The following CEP85L variants were observed in gnomAD, a reference collection of about 807,000 sequenced individuals.
The protein encoded by CEP85L is centrosomal protein of 85 kDa-like.
In CEP85L, 60 loss-of-function variants were observed where a neutral mutation model predicts 100.3. The ratio of observed to expected loss-of-function variants is 0.60; its 90% CI spans 0.49 to 0.74. CEP85L has a LOEUF of 0.74. Ranked by LOEUF, CEP85L falls within the 30% of genes least tolerant of loss-of-function variation. The probability of loss-of-function intolerance (pLI) is 0.00; values close to 1 mark genes in which losing one functional copy is unlikely to be tolerated. For synonymous variants in CEP85L, 319 were observed against 322.7 expected, an observed-to-expected ratio of 0.99 and a Z score of 0.12; for missense variants, 973 against 936.2, an observed-to-expected ratio of 1.04 and a Z score of -0.51.
intron 4 of CEP85L, among the ~76,000 whole-genome samples, chr6:118,519,583 GC>G (rs1287041175): frequency 0.036 from 1,307 of 36,674 alleles, 350 homozygotes; most frequent in Non-Finnish European, 0.066. Flanking sequence ...TGTGTGTGTG[GC>G]GGGGGGGGGG....
In CEP85L at chr6:118,558,514, G is replaced by A. The variant is rs1779010138; in HGVS notation, c.1020+7015C>T. Among the ~76,000 whole-genome samples the A allele has an allele frequency of 2.0e-5, 3 of 151,896 alleles. No individual in the cohort carries two copies. In the South Asian group the frequency reaches 6.3e-4, roughly 32 times the overall value. ...TACTCCAATACTTGTAGTAAATTTGGGAGAAAAAGGCAAGGACTAAAGTTA... is the reference window on the plus strand; with the variant it reads ...TACTCCAATACTTGTAGTAAATTTGAGAGAAAAAGGCAAGGACTAAAGTTA... On this transcript the variant is annotated intron_variant, in intron 3 of 12. Coordinates refer to ENST00000368491, the MANE Select transcript of CEP85L (RefSeq NM_001042475.3).
At chr6:118,707,101 C>T (rs1449451157) in intron 1 of CEP85L, among the ~76,000 whole-genome samples, 1 of 152,112 alleles carries the variant, frequency 6.6e-6, no homozygotes, top group East Asian at 1.9e-4. Flanking sequence ...CCATGGATGC[C>T]ATTCCAACTC....
At chr6:118,709,418 G>A (rs564677050) in intron 1 of CEP85L, among the ~76,000 whole-genome samples, 9 of 152,202 alleles carry the variant, frequency 5.9e-5, no homozygotes, top group African/African-American at 2.2e-4. Context: ...ATTTCTCAGC[G>A]CATGCGGCTC....
chr6:118,554,599 C>T (rs1195730513), intron 3 of CEP85L, among the ~76,000 whole-genome samples: 1 of 152,132 alleles, frequency 6.6e-6, no homozygotes, highest in African/African-American at 2.4e-5. Context: ...AACTATCAGT[C>T]TAGCTGGGGA....
intron 1 of CEP85L, among the ~76,000 whole-genome samples, chr6:118,686,436 T>A (rs1776836011): frequency 6.6e-6 from 1 of 152,210 alleles, no homozygotes; most frequent in South Asian, 2.1e-4. Context: ...ATAGATTTTC[T>A]TTTTCTAGAT....
intron 3 of CEP85L, among the ~76,000 whole-genome samples, chr6:118,557,045 G>A (rs1008902385): frequency 6.6e-6 from 1 of 152,176 alleles, no homozygotes; most frequent in Non-Finnish European, 1.5e-5. Flanking sequence ...GTCTGTGGTA[G>A]TGAGATAATA....
At chr6:118,699,207 C>G (rs192711154) in intron 1 of CEP85L, among the ~76,000 whole-genome samples, 87 of 152,190 alleles carry the variant, frequency 5.7e-4, no homozygotes, top group African/African-American at 2.1e-3. Flanking sequence ...AATCCCAGCA[C>G]TTTGGGAGGC....
At chr6:118,527,002 C>CTTT (rs764883723) in intron 3 of CEP85L, among the ~76,000 whole-genome samples, 3,006 of 98,658 alleles carry the variant, frequency 0.03, 234 homozygotes, top group South Asian at 0.072. Flanking sequence ...TTTACTTTTT[C>CTTT]TTTTTTTTTT....
At chr6:118,656,348 G>A (rs765313078), upstream of CEP85L, among the ~76,000 whole-genome samples, 1 of 152,172 alleles carries the variant, frequency 6.6e-6, no homozygotes, top group African/African-American at 2.4e-5. Flanking sequence ...GAAGGTCATG[G>A]GAATAAAGGA....
chr6:118,506,494 T>C (rs137936621), intron 5 of CEP85L, among the ~76,000 whole-genome samples: 2 of 152,344 alleles, frequency 1.3e-5, no homozygotes, highest in South Asian at 2.1e-4. Context: ...AATTTTCTTA[T>C]GTAAGTTGGA....
chr6:118,578,711 G>A (rs551262334), intron 2 of CEP85L, among the ~76,000 whole-genome samples: 76 of 152,182 alleles, frequency 5.0e-4, no homozygotes, highest in African/African-American at 1.3e-3. Flanking sequence ...CCTGGTGACC[G>A]GGCAAGACTC....
chr6:118,508,863 C>T (rs1035600780), intron 5 of CEP85L, among the ~76,000 whole-genome samples: 1 of 151,964 alleles, frequency 6.6e-6, no homozygotes, highest in Admixed American at 6.6e-5. Flanking sequence ...TTACATCATT[C>T]AAAGATCCAA....
At chr6:118,657,419 A>G (rs1425274677), upstream of CEP85L, among the ~76,000 whole-genome samples, 3 of 152,176 alleles carry the variant, frequency 2.0e-5, no homozygotes, top group Admixed American at 6.5e-5. Context: ...GGAGTTCCAG[A>G]TCAGCATGGC....
intron 2 of CEP85L, among the ~76,000 whole-genome samples, chr6:118,591,838 G>C (rs1183246943): frequency 1.3e-5 from 2 of 152,104 alleles, no homozygotes; most frequent in African/African-American, 4.8e-5. Context: ...ACCGGTAACA[G>C]AGCTATAATG....
intron 2 of CEP85L, among the ~76,000 whole-genome samples, chr6:118,602,052 C>T (rs1246481487): frequency 6.6e-6 from 1 of 152,066 alleles, no homozygotes; most frequent in Admixed American, 6.5e-5. Flanking sequence ...TAACATTTCC[C>T]CCCTCCCTTT....
intron 2 of CEP85L, among the ~76,000 whole-genome samples, chr6:118,572,931 G>A (rs937031521): frequency 2.0e-5 from 3 of 152,030 alleles, no homozygotes; most frequent in Admixed American, 1.3e-4. Flanking sequence ...GCGCAGTGGT[G>A]CACGCCTCTA....
intron 2 of CEP85L, among the ~76,000 whole-genome samples, chr6:118,613,397 T>C (rs369593784): frequency 6.6e-4 from 100 of 152,300 alleles, no homozygotes; most frequent in African/African-American, 2.3e-3. Flanking sequence ...AACAGATAAT[T>C]TGAATTACTT....
intron 5 of CEP85L, among the ~76,000 whole-genome samples, chr6:118,497,175 T>C (rs1164620197): frequency 6.6e-6 from 1 of 152,176 alleles, no homozygotes; most frequent in Non-Finnish European, 1.5e-5. Context: ...CAAATGACAG[T>C]GGTCTTAAAA....
At chr6:118,498,699 T>C (rs796491520) in intron 5 of CEP85L, among the ~76,000 whole-genome samples, 11 of 150,082 alleles carry the variant, frequency 7.3e-5, no homozygotes, top group African/African-American at 2.5e-4. Context: ...AGAAAAGAAA[T>C]GGACAGTTTC....
Sources: allele counts gnomAD v4.1 joint callset (sites outside exome capture counted in the v4.1 genomes callset), GRCh38; gene constraint gnomAD v4.1.1; transcripts MANE v1.5; gene names NCBI Gene and HGNC (gene_info 2026-07-23, HGNC 2026-07-21).